The following CHD6 variants were observed in gnomAD, a reference collection of about 807,000 sequenced individuals.
The protein encoded by CHD6 is chromodomain helicase DNA binding protein 6.
A neutral mutation model predicts 276.9 loss-of-function variants in CHD6; 50 were observed. The ratio of observed to expected loss-of-function variants is 0.18; its 90% CI spans 0.14 to 0.23. The LOEUF (loss-of-function observed/expected upper bound fraction) is 0.23, where lower values mean the gene tolerates loss of function less well. Among genes scored for constraint, CHD6 ranks in the 10% least tolerant of loss-of-function variants. The pLI is 1.00. For missense variants in CHD6, 2,564 were observed against 3,365.8 expected, an observed-to-expected ratio of 0.76 and a Z score of 5.89; for synonymous variants, 1,173 against 1,229.3, an observed-to-expected ratio of 0.95 and a Z score of 0.96.
chr20:41,615,083 T>G lies in CHD6; in HGVS notation c.-24+3257A>C, dbSNP rs569177505. ...CGCTTGAGCTTTTAAAAAAAATCTT[T>G]AGAGAGAACTACTGGTGAAAAGGAC... On this transcript the variant is annotated intron_variant, in intron 1 of 36. Coordinates refer to ENST00000373233, the MANE Select transcript of CHD6 (RefSeq NM_032221.5). Among the ~76,000 whole-genome samples the G allele has an allele frequency of 8.1e-4, 123 of 152,312 alleles. 1 individual carries two copies. The highest frequency in any genetic ancestry group is 2.7e-3 in the African/African-American group (113 of 41,552).
rs778832372 is a variant in CHD6, at chr20:41,533,169, C to T, written c.435G>A (p.Pro145=). 4.0e-5 allele frequency: 64 copies of T among 1,613,912 alleles called. No individual in the cohort carries two copies. The highest frequency in any genetic ancestry group is 5.2e-5 in the Non-Finnish European group (61 of 1,180,020). The stretch of plus-strand genomic sequence containing the variant: ...CCTTCTTTGCCCCATCTTTTTGCTT[C>T]GGCTCCTTGTGCTCCTTGGCCTTCT... The part of the protein sequence containing the change: ...EPKKAKEHKE[P]KQKDGAKKAR... The change falls in exon 3 of 37, where the codon CCG becomes CCA. Residue 145 remains proline, a synonymous_variant. Coordinates refer to ENST00000373233, the MANE Select transcript of CHD6 (RefSeq NM_032221.5).
intron 3 of CHD6, among the ~76,000 whole-genome samples, chr20:41,520,562 T>C (rs540918440): frequency 1.3e-5 from 2 of 149,478 alleles, no homozygotes; most frequent in East Asian, 2.0e-4. Flanking sequence ...CAGCAAACTA[T>C]CACAAGGACA....
chr20:41,457,550 A>C (rs2048414340), intron 17 of CHD6, 122 bp from the exon 18 acceptor site: 1 of 1,162,116 alleles, frequency 8.6e-7, no homozygotes, highest in African/African-American at 1.5e-5. Flanking sequence ...TACAAGTAAC[A>C]GGACTGATTT....
chr20:41,498,803 A>ATGTGTGTG (rs1270775232), intron 6 of CHD6, among the ~76,000 whole-genome samples: 1 of 95,984 alleles, frequency 1.0e-5, no homozygotes, highest in African/African-American at 6.5e-5. Context: ...GTATGTATGT[A>ATGTGTGTG]TGTATGTATG....
Position 41,414,158 on chromosome 20 carries a change from G to A in CHD6, c.6940-643C>T, listed in dbSNP as rs1268241496. The A allele has an allele frequency of 2.6e-5, 4 of 152,196 alleles. No homozygotes were observed. The South Asian group carries it at 6.2e-4, about 24-fold the overall frequency. 9.4% of individuals were successfully genotyped at this position (152,196 alleles called of 1,614,324 possible). ...TTGCAGGATTGAGCAGGGAAAGAAC[G>A]TGTCACTTCAGCTTCCCAGATTACT... On this transcript the variant is annotated intron_variant, in intron 34 of 36. Transcript: ENST00000373233.
At chr20:41,432,205 C>T (rs926207715) in intron 27 of CHD6, among the ~76,000 whole-genome samples, 1 of 150,192 alleles carries the variant, frequency 6.7e-6, no homozygotes, top group Non-Finnish European at 1.5e-5. Context: ...CCTGCTCTCT[C>T]TAGTTAAGGA....
At chr20:41,438,572 AGAGT>A (rs1312543425) in intron 26 of CHD6, among the ~76,000 whole-genome samples, 1 of 152,106 alleles carries the variant, frequency 6.6e-6, no homozygotes, top group African/African-American at 2.4e-5. Flanking sequence ...CCCGGGTGAA[AGAGT>A]GAGACTCCAT....
chr20:41,556,313 A>AGGGAGT (rs2146170118), intron 1 of CHD6, among the ~76,000 whole-genome samples: 1 of 119,248 alleles, frequency 8.4e-6, no homozygotes, highest in African/African-American at 3.7e-5. Flanking sequence ...GAGACGGGAG[A>AGGGAGT]GGGAGAGGGC....
intron 1 of CHD6, among the ~76,000 whole-genome samples, chr20:41,605,362 A>G (rs1010029695): frequency 4.6e-5 from 7 of 152,208 alleles, no homozygotes; most frequent in Non-Finnish European, 8.8e-5. Flanking sequence ...AATGGAGAAC[A>G]AAGAGTTGAC....
intron 1 of CHD6, among the ~76,000 whole-genome samples, chr20:41,608,640 A>G (rs1436136167): frequency 6.6e-6 from 1 of 152,206 alleles, no homozygotes; most frequent in Non-Finnish European, 1.5e-5. Flanking sequence ...TGACCTCACA[A>G]ATATTTACAT....
At chr20:41,546,552 C>T (rs185327645) in intron 2 of CHD6, among the ~76,000 whole-genome samples, 7 of 152,240 alleles carry the variant, frequency 4.6e-5, no homozygotes, top group Middle Eastern at 3.4e-3. Context: ...CAGTGCCAAG[C>T]AGGAGCTGAG....
intron 17 of CHD6, among the ~76,000 whole-genome samples, chr20:41,465,390 A>G (rs540947132): frequency 2.6e-5 from 4 of 152,226 alleles, no homozygotes; most frequent in Non-Finnish European, 5.9e-5. Flanking sequence ...CCTAAAATGC[A>G]TAACCTCGTA....
chr20:41,522,450 T>C (rs56118277), intron 3 of CHD6, among the ~76,000 whole-genome samples: 21,027 of 152,180 alleles, frequency 0.14, 1,776 homozygotes, highest in Non-Finnish European at 0.2. Context: ...GGGAGAAAGA[T>C]GTGAAGAGAA....
At chr20:41,464,440 A>G (rs1294641138) in intron 17 of CHD6, among the ~76,000 whole-genome samples, 1 of 152,242 alleles carries the variant, frequency 6.6e-6, no homozygotes, top group East Asian at 1.9e-4. Flanking sequence ...AGCAATTCTA[A>G]AACTACTTGA....
At chr20:41,615,988 A>G (rs980974505) in intron 1 of CHD6, among the ~76,000 whole-genome samples, 1 of 152,240 alleles carries the variant, frequency 6.6e-6, no homozygotes, top group African/African-American at 2.4e-5. Flanking sequence ...GCAATTTCAC[A>G]GCAAAATCAC....
At chr20:41,468,498 G>A (rs183722254) in intron 17 of CHD6, among the ~76,000 whole-genome samples, 34 of 152,062 alleles carry the variant, frequency 2.2e-4, no homozygotes, top group African/African-American at 7.5e-4. Flanking sequence ...CTCATTTATT[G>A]TCTGCCTATC....
intron 30 of CHD6, 99 bp from the exon 31 acceptor site, chr20:41,422,178 T>A: frequency 7.9e-7 from 1 of 1,264,410 alleles, no homozygotes; most frequent in Non-Finnish European, 1.1e-6. Flanking sequence ...TTTAGCTCCC[T>A]GGCTCCTCAG....
intron 2 of CHD6, among the ~76,000 whole-genome samples, chr20:41,535,151 T>C (rs1173088126): frequency 6.6e-6 from 1 of 152,104 alleles, no homozygotes; most frequent in Non-Finnish European, 1.5e-5. Context: ...TTTCAGCTCA[T>C]ATCTCATGTC....
chr20:41,526,505 C>T (rs1332216470), intron 3 of CHD6, among the ~76,000 whole-genome samples: 1 of 152,186 alleles, frequency 6.6e-6, no homozygotes, highest in East Asian at 1.9e-4. Flanking sequence ...ACTCTTCCTG[C>T]ACCACACAGT....
Sources: gnomAD v4.1 joint callset for allele counts (sites outside exome capture counted in the v4.1 genomes callset) on GRCh38, gnomAD v4.1.1 for gene constraint, MANE v1.5 for transcripts, NCBI Gene and HGNC (gene_info 2026-07-23, HGNC 2026-07-21) for gene names.